MYRFL: variants seen among roughly 807,000 people sequenced by gnomAD.
The protein encoded by MYRFL is myelin regulatory factor like, also known as myelin regulatory factor-like protein.
A neutral mutation model predicts 109.4 loss-of-function variants in MYRFL; 88 were observed. The observed-to-expected ratio is 0.80, with a 90% confidence interval of 0.68 to 0.96. The LOEUF (loss-of-function observed/expected upper bound fraction) is 0.96, where lower values mean the gene tolerates loss of function less well. Among genes scored for constraint, MYRFL ranks in the 40% least tolerant of loss-of-function variants. MYRFL has a pLI of 0.00. For missense variants in MYRFL, 957 were observed against 954.9 expected (o/e 1.00, Z -0.03); for synonymous variants, 324 against 320.9 (o/e 1.01, Z -0.10).
intron 13 of MYRFL, among the ~76,000 whole-genome samples, chr12:69,918,975 T>C (rs1410003172): frequency 6.6e-6 from 1 of 152,194 alleles, no homozygotes; most frequent in Non-Finnish European, 1.5e-5. Context: ...CTTTGAACTG[T>C]ATTATTTATT....
chr12:69,925,461 G>C (rs1256162303), intron 13 of MYRFL, among the ~76,000 whole-genome samples: 2 of 152,194 alleles, frequency 1.3e-5, no homozygotes, highest in African/African-American at 4.8e-5. Context: ...CCCTGAGTTT[G>C]ACCCTCAACC....
chr12:69,921,148 G>A (rs1954898539), intron 13 of MYRFL, among the ~76,000 whole-genome samples: 2 of 152,112 alleles, frequency 1.3e-5, no homozygotes, highest in Non-Finnish European at 2.9e-5. Context: ...ATCAAGGATG[G>A]GCATCAAATG....
At chr12:69,855,096 C>T (rs961285046) in intron 1 of MYRFL, among the ~76,000 whole-genome samples, 184 bp from the exon 2 acceptor site, 1 of 152,218 alleles carries the variant, frequency 6.6e-6, no homozygotes, top group African/African-American at 2.4e-5. Flanking sequence ...ACAAAACTGC[C>T]ATCCATCCTT....
At chr12:69,923,537 A>C (rs1234021950) in intron 13 of MYRFL, among the ~76,000 whole-genome samples, 1 of 152,162 alleles carries the variant, frequency 6.6e-6, no homozygotes, top group East Asian at 1.9e-4. Flanking sequence ...CTTTTCTTAA[A>C]TGCTAAAAAT....
chr12:69,928,677 G>A (rs1359574548), intron 15 of MYRFL, among the ~76,000 whole-genome samples: 1 of 152,202 alleles, frequency 6.6e-6, no homozygotes, highest in Non-Finnish European at 1.5e-5. Flanking sequence ...GTGCTCTGGG[G>A]CAAGTTACTC....
At chr12:69,827,892 A>G (rs376812659) in intron 1 of MYRFL, among the ~76,000 whole-genome samples, 3 of 152,200 alleles carry the variant, frequency 2.0e-5, no homozygotes, top group East Asian at 3.9e-4. Flanking sequence ...ACACAAATAC[A>G]TAGAAAAAAC....
At chr12:69,955,043 G>A (rs1021830765) in intron 21 of MYRFL, among the ~76,000 whole-genome samples, 1 of 152,036 alleles carries the variant, frequency 6.6e-6, no homozygotes, top group Admixed American at 6.6e-5. Flanking sequence ...TCTTTAAAGG[G>A]GACTAAAGTC....
At position 69,895,475 on chromosome 12, in the gene MYRFL, A is replaced by AC; in HGVS notation, c.1087dup (p.Gln363ProfsTer14). 6.5e-7 allele frequency: 1 copy of AC among 1,535,190 alleles called. No homozygotes were observed. Among genetic ancestry groups the AC allele is most frequent in the Non-Finnish European group, 8.7e-7 (1 of 1,146,164 alleles). On this transcript the variant is annotated frameshift_variant, in exon 9 of 25. Coordinates refer to ENST00000552032, the MANE Select transcript of MYRFL (RefSeq NM_182530.3). LOFTEE classifies it high-confidence loss of function. ...AGAAAAAAGGGAAAACCAAATCCAG[A>AC]CCAGAGGTACTGATGTCACTGTGTG... is the stretch of plus-strand genomic sequence containing the variant.
intron 19 of MYRFL, among the ~76,000 whole-genome samples, chr12:69,945,308 C>T (rs1020179621): frequency 6.6e-6 from 1 of 152,048 alleles, no homozygotes; most frequent in Non-Finnish European, 1.5e-5. Context: ...AACTTCCAGC[C>T]CTGTAAGCTC....
At chr12:69,897,496 T>C (rs1320266180) in intron 10 of MYRFL, among the ~76,000 whole-genome samples, 4 of 152,186 alleles carry the variant, frequency 2.6e-5, no homozygotes, top group African/African-American at 4.8e-5. Flanking sequence ...GACCAGGCAT[T>C]CTGCTCAGTA....
intron 1 of MYRFL, among the ~76,000 whole-genome samples, chr12:69,832,085 G>T (rs1385971921): frequency 6.6e-6 from 1 of 152,094 alleles, no homozygotes; most frequent in Non-Finnish European, 1.5e-5. Flanking sequence ...AGTGACAGTG[G>T]TGGGTAAAAC....
intron 19 of MYRFL, among the ~76,000 whole-genome samples, chr12:69,938,795 C>G (rs1955546052): frequency 1.3e-5 from 2 of 152,116 alleles, no homozygotes; most frequent in South Asian, 4.2e-4. Flanking sequence ...GTTCATCTCA[C>G]TAGGGAGTGC....
intron 19 of MYRFL, among the ~76,000 whole-genome samples, chr12:69,942,897 C>G (rs1251339624): frequency 6.6e-6 from 1 of 152,130 alleles, no homozygotes; most frequent in African/African-American, 2.4e-5. Flanking sequence ...CAACAACAGA[C>G]AAACAGCCAA....
At chr12:69,893,683 T>C (rs1887048479) in intron 7 of MYRFL, 81 bp from the exon 8 acceptor site, 1 of 894,940 alleles carries the variant, frequency 1.1e-6, no homozygotes, top group Non-Finnish European at 1.5e-6. Flanking sequence ...CTTGAAAAGC[T>C]TTTTAAGTAC....
Position 69,910,041 on chromosome 12 carries a change from G to C in MYRFL, c.1456G>C (p.Ala486Pro). 1.3e-6 allele frequency: 2 copies of C among 1,534,644 alleles called. No homozygotes were observed. The highest frequency in any genetic ancestry group is 1.7e-4 in the Middle Eastern group (1 of 5,974). Residue 486 changes from alanine (A) to proline (P), a missense_variant, in exon 12 of 25, where the codon GCA (alanine) becomes CCA (proline). By Grantham distance (27) the Ala-to-Pro change is conservative (BLOSUM62 -1). Transcript: ENST00000552032. ...IVEYDYKPEF[A>P]SAMGINTAHQ... ...TGAATATGACTACAAACCTGAATTTGCATCTGCAATGGGAATAAACACTGC... is the reference window on the plus strand; with the variant it reads ...TGAATATGACTACAAACCTGAATTTCCATCTGCAATGGGAATAAACACTGC...
At chr12:69,861,705 T>G (rs546445855) in intron 2 of MYRFL, among the ~76,000 whole-genome samples, 105 of 152,216 alleles carry the variant, frequency 6.9e-4, no homozygotes, top group African/African-American at 2.5e-3. Flanking sequence ...GGTTGCCTGT[T>G]CACTCTGATG....
chr12:69,920,401 G>T (rs1306228491), intron 13 of MYRFL, among the ~76,000 whole-genome samples: 1 of 152,184 alleles, frequency 6.6e-6, no homozygotes. Context: ...GAATAAACTA[G>T]ACACTGGTAC....
At position 69,903,801 on chromosome 12, in the gene MYRFL, T is replaced by C. The variant is rs1225274693; in HGVS notation, c.1340T>C (p.Ile447Thr). ...VCGNMKVMGT[I>T]MHPSDSRAKQ... Reference sequence around the variant, plus strand: ...GGCAACATGAAAGTGATGGGGACCATCATGCATCCCTCTGACAGCCGGGCA... The same window carrying C: ...GGCAACATGAAAGTGATGGGGACCACCATGCATCCCTCTGACAGCCGGGCA... The change falls in exon 11 of 25, where the codon ATC becomes ACC. Residue 447 changes from isoleucine to threonine, a missense_variant. Coordinates refer to ENST00000552032, the MANE Select transcript of MYRFL (RefSeq NM_182530.3). 6.5e-7 allele frequency: 1 copy of C among 1,535,198 alleles called. No individual in the cohort carries two copies. The highest frequency in any genetic ancestry group is 8.7e-7 in the Non-Finnish European group (1 of 1,146,432).
intron 9 of MYRFL, among the ~76,000 whole-genome samples, 198 bp downstream of exon 9, chr12:69,895,679 T>G (rs1953966356): frequency 1.3e-5 from 2 of 152,166 alleles, no homozygotes; most frequent in South Asian, 4.1e-4. Context: ...CCCAACCCCA[T>G]GCCCTGCAAT....
Sources: gnomAD v4.1 joint callset for allele counts (sites outside exome capture counted in the v4.1 genomes callset) on GRCh38, gnomAD v4.1.1 for gene constraint, MANE v1.5 for transcripts, NCBI Gene and HGNC (gene_info 2026-07-23, HGNC 2026-07-21) for gene names.